The following EPHA6 variants were observed in gnomAD, a reference collection of about 807,000 sequenced individuals.
The protein encoded by EPHA6 is ephrin type-A receptor 6.
A neutral mutation model predicts 112.0 loss-of-function variants in EPHA6; 50 were observed. The ratio of observed to expected loss-of-function variants is 0.45; its 90% CI spans 0.36 to 0.56. The LOEUF is 0.56. Ranked by LOEUF, EPHA6 falls within the 20% of genes least tolerant of loss-of-function variation. The pLI is 0.00. For missense variants in EPHA6, 1,280 were observed against 1,417.4 expected, an observed-to-expected ratio of 0.90 and a Z score of 1.56; for synonymous variants, 529 against 490.7, an observed-to-expected ratio of 1.08 and a Z score of -1.03.
At chr3:96,981,112 C>T (rs990254307) in intron 2 of EPHA6, among the ~76,000 whole-genome samples, 9 of 152,212 alleles carry the variant, frequency 5.9e-5, no homozygotes, top group South Asian at 2.1e-4. Flanking sequence ...TGAGAGAGGG[C>T]GTCCCTGTCT....
At chr3:97,332,532 C>G (rs1025511040) in intron 5 of EPHA6, among the ~76,000 whole-genome samples, 4 of 152,142 alleles carry the variant, frequency 2.6e-5, no homozygotes, top group Admixed American at 2.0e-4. Context: ...CCAAAATCTC[C>G]TTAAGCTGAT....
chr3:97,247,261 T>C (rs1234586699), intron 5 of EPHA6, among the ~76,000 whole-genome samples: 1 of 151,998 alleles, frequency 6.6e-6, no homozygotes, highest in East Asian at 1.9e-4. Flanking sequence ...AAATGCAAAA[T>C]TGATAAGTGT....
chr3:97,428,538 A>AT, intron 6 of EPHA6, among the ~76,000 whole-genome samples: 1 of 152,302 alleles, frequency 6.6e-6, no homozygotes, highest in Non-Finnish European at 1.5e-5. Context: ...TGTAGAATAT[A>AT]TTTTTATTTC....
At chr3:97,587,902 C>T (rs1054289013) in intron 11 of EPHA6, among the ~76,000 whole-genome samples, 2 of 152,108 alleles carry the variant, frequency 1.3e-5, no homozygotes, top group Non-Finnish European at 2.9e-5. Flanking sequence ...TGTTCAAGCC[C>T]TTGAAGTAAA....
chr3:97,234,397 T>C (rs2078621455), intron 4 of EPHA6, among the ~76,000 whole-genome samples: 1 of 152,134 alleles, frequency 6.6e-6, no homozygotes, highest in Non-Finnish European at 1.5e-5. Flanking sequence ...CTATGTCTAC[T>C]TTTCACTTTT....
At chr3:97,380,787 G>A (rs1007989328) in intron 5 of EPHA6, among the ~76,000 whole-genome samples, 3 of 152,152 alleles carry the variant, frequency 2.0e-5, no homozygotes, top group Non-Finnish European at 4.4e-5. Flanking sequence ...TATTGTAATA[G>A]TGAAAAACTT....
intron 14 of EPHA6, among the ~76,000 whole-genome samples, chr3:97,645,744 C>A (rs578243561): frequency 6.6e-6 from 1 of 151,792 alleles, no homozygotes; most frequent in South Asian, 2.1e-4. Context: ...TCCCTTGATA[C>A]GTATATATTT....
At chr3:97,018,342 A>T (rs1269054096) in intron 3 of EPHA6, among the ~76,000 whole-genome samples, 1 of 152,086 alleles carries the variant, frequency 6.6e-6, no homozygotes, top group Non-Finnish European at 1.5e-5. Flanking sequence ...ACAAAGAGAT[A>T]AAAGGAAAGA....
At chr3:97,680,248 G>T (rs1427378712) in intron 14 of EPHA6, among the ~76,000 whole-genome samples, 1 of 152,146 alleles carries the variant, frequency 6.6e-6, no homozygotes, top group African/African-American at 2.4e-5. Flanking sequence ...TGATAGCTAA[G>T]GATTTGGTAA....
At chr3:97,432,102 G>A (rs1387861826) in intron 6 of EPHA6, among the ~76,000 whole-genome samples, 1 of 152,000 alleles carries the variant, frequency 6.6e-6, no homozygotes, top group Non-Finnish European at 1.5e-5. Flanking sequence ...CCCACATATA[G>A]ATCTCAACTG....
intron 5 of EPHA6, among the ~76,000 whole-genome samples, chr3:97,317,025 A>T (rs2081875148): frequency 6.6e-6 from 1 of 151,900 alleles, no homozygotes; most frequent in African/African-American, 2.4e-5. Context: ...TTGACTCAAT[A>T]TGCTTTTAAT....
At chr3:97,203,196 T>C (rs1203371176) in intron 3 of EPHA6, among the ~76,000 whole-genome samples, 1 of 152,148 alleles carries the variant, frequency 6.6e-6, no homozygotes, top group Non-Finnish European at 1.5e-5. Flanking sequence ...AAGATCACTC[T>C]GATCATAGTG....
At chr3:97,402,079 G>T (rs149248963) in intron 5 of EPHA6, among the ~76,000 whole-genome samples, 1 of 152,002 alleles carries the variant, frequency 6.6e-6, no homozygotes, top group African/African-American at 2.4e-5. Context: ...CCTAACATGT[G>T]GTCTATTCTG....
chr3:96,956,877 A>G (rs2041783072), intron 2 of EPHA6, among the ~76,000 whole-genome samples: 3 of 152,004 alleles, frequency 2.0e-5, no homozygotes, highest in Admixed American at 1.3e-4. Context: ...TACTTAAAAT[A>G]CAAAAATTAG....
chr3:97,680,720 TG>T (rs2031795631), intron 14 of EPHA6, among the ~76,000 whole-genome samples: 1 of 152,286 alleles, frequency 6.6e-6, no homozygotes, highest in African/African-American at 2.4e-5. Context: ...ACCCAGCTTG[TG>T]GCACAAACAT....
chr3:97,601,457 A>T (rs2093642837), intron 12 of EPHA6, among the ~76,000 whole-genome samples: 1 of 152,086 alleles, frequency 6.6e-6, no homozygotes. Context: ...TGGACCACTT[A>T]AAAATATAAC....
intron 3 of EPHA6, among the ~76,000 whole-genome samples, chr3:97,107,703 G>A (rs1642801496): frequency 2.0e-5 from 3 of 152,024 alleles, no homozygotes; most frequent in Admixed American, 6.6e-5. Context: ...TCTATTTCAT[G>A]TCCATGTCTT....
chr3:97,589,261 G>C (rs1166091572), intron 11 of EPHA6, among the ~76,000 whole-genome samples: 1 of 151,106 alleles, frequency 6.6e-6, no homozygotes, highest in Admixed American at 6.6e-5. Flanking sequence ...GTAGCCAAAA[G>C]ATTGGACACC....
At chr3:97,018,193 T>G (rs1000455254) in intron 3 of EPHA6, among the ~76,000 whole-genome samples, 3 of 152,046 alleles carry the variant, frequency 2.0e-5, no homozygotes, top group African/African-American at 7.2e-5. Flanking sequence ...GAATTTCTTC[T>G]CTTTTTCTGT....
Sources: allele counts gnomAD v4.1 joint callset (sites outside exome capture counted in the v4.1 genomes callset), GRCh38; gene constraint gnomAD v4.1.1; transcripts MANE v1.5; gene names NCBI Gene and HGNC (gene_info 2026-07-23, HGNC 2026-07-21).